The following MYO10 variants were observed in gnomAD, a reference collection of about 807,000 sequenced individuals.
MYO10 encodes the protein unconventional myosin-X.
MYO10 carries 133 observed loss-of-function variants against 257.3 expected under a neutral mutation model. The ratio of observed to expected loss-of-function variants is 0.52; its 90% CI spans 0.45 to 0.60. The LOEUF (loss-of-function observed/expected upper bound fraction) is 0.60. MYO10 is among the 20% of genes least tolerant of loss of function. MYO10 has a pLI of 0.00. For synonymous variants in MYO10, 1,104 were observed against 1,028.6 expected (o/e 1.07, Z -1.40); for missense variants, 2,399 against 2,635.7 (o/e 0.91, Z 1.97).
chr5:16,875,000 C>T (rs1383817047), intron 2 of MYO10, among the ~76,000 whole-genome samples: 1 of 152,122 alleles, frequency 6.6e-6, no homozygotes, highest in African/African-American at 2.4e-5. Context: ...AGCGGAAACC[C>T]CTGATAAACC....
chr5:16,710,654 C>T (rs2288442), intron 21 of MYO10: 166,823 of 516,786 alleles, frequency 0.32, 28,382 homozygotes, highest in East Asian at 0.48. Context: ...CAAATACCCA[C>T]ACACAAACAA....
At chr5:16,792,990 G>A (rs976662611) in intron 4 of MYO10, among the ~76,000 whole-genome samples, 1 of 152,132 alleles carries the variant, frequency 6.6e-6, no homozygotes, top group African/African-American at 2.4e-5. Flanking sequence ...CGAGAGCCAA[G>A]TTGCCACAAG....
Position 16,668,352 on chromosome 5 carries a change from G to C in MYO10, c.6000C>G (p.Leu2000=), listed in dbSNP as rs751353491. The C allele has an allele frequency of 3.3e-5, 53 of 1,613,864 alleles. No individual in the cohort carries two copies. The South Asian group carries it at 5.6e-4, about 17-fold the overall frequency. The change falls in exon 40 of 41, where the codon CTC becomes CTG. Residue 2000 remains leucine, a synonymous_variant. Coordinates refer to ENST00000513610, the MANE Select transcript of MYO10 (RefSeq NM_012334.3). ...TATTCGCCAGGGGTGCCCCAAAAGA[G>C]AGGATGTGTTCATACTGGAAGACTT... ...PLEVFQYEHI[L]SFGAPLANTY... is the part of the protein sequence containing the mutation.
At chr5:16,907,480 T>C (rs754497508) in intron 1 of MYO10, among the ~76,000 whole-genome samples, 12 of 152,028 alleles carry the variant, frequency 7.9e-5, no homozygotes, top group South Asian at 2.1e-4. Context: ...TCACGGGAGA[T>C]TGCATTTCCC....
rs548275758 is a variant in MYO10, at chr5:16,789,160, A to C, written c.467+5486T>G. ...ACCTGCTGCCTGTTTTTATAAATAA[A>C]GTTTTATTGGAACACAGTGCAGGCT... On this transcript the variant is annotated intron_variant, in intron 4 of 40. Transcript: ENST00000513610. 4.6e-5 allele frequency among the ~76,000 whole-genome samples: 7 copies of C among 152,332 alleles called. No homozygotes were observed. In the East Asian group the frequency reaches 1.4e-3, roughly 29 times the overall value.
intron 2 of MYO10, among the ~76,000 whole-genome samples, chr5:16,862,642 G>A (rs530658154): frequency 7.9e-5 from 12 of 152,190 alleles, no homozygotes; most frequent in Middle Eastern, 3.4e-3. Context: ...GATTCCGTCC[G>A]TTTTCTATTT....
At chr5:16,928,996 A>C (rs983309062) in intron 1 of MYO10, among the ~76,000 whole-genome samples, 8 of 149,986 alleles carry the variant, frequency 5.3e-5, no homozygotes, top group African/African-American at 1.7e-4. Context: ...TCTGTCGCCC[A>C]GGCTGGAGTG....
At chr5:16,893,645 A>AG (rs1368167771) in intron 1 of MYO10, among the ~76,000 whole-genome samples, 2 of 148,202 alleles carry the variant, frequency 1.3e-5, no homozygotes, top group African/African-American at 2.6e-5. Context: ...AAAAAAAAAA[A>AG]AAAAAAAGAA....
chr5:16,763,629 T>G (rs749047523), intron 13 of MYO10, 26 bp downstream of exon 13: 33 of 1,582,314 alleles, frequency 2.1e-5, no homozygotes, highest in Non-Finnish European at 2.9e-5. Context: ...AAAAAAAAAT[T>G]GAAATGGAAT....
intron 2 of MYO10, among the ~76,000 whole-genome samples, chr5:16,825,569 C>T (rs765296172): frequency 1.3e-5 from 2 of 152,176 alleles, no homozygotes; most frequent in Non-Finnish European, 2.9e-5. Flanking sequence ...GTTGACTTCA[C>T]GTTTCACTAC....
At chr5:16,830,679 G>GCGCACACACACACACACTCACA (rs1554000804) in intron 2 of MYO10, among the ~76,000 whole-genome samples, 1 of 148,920 alleles carries the variant, frequency 6.7e-6, no homozygotes, top group Admixed American at 6.7e-5. Flanking sequence ...TTTTTAATAG[G>GCGCACACACACACACACTCACA]CACACACACA....
At chr5:16,842,768 A>G (rs976989163) in intron 2 of MYO10, among the ~76,000 whole-genome samples, 13 of 152,002 alleles carry the variant, frequency 8.6e-5, no homozygotes, top group African/African-American at 3.1e-4. Context: ...TCTACAAAAA[A>G]TTAATAGTCC....
intron 3 of MYO10, among the ~76,000 whole-genome samples, chr5:16,807,852 T>C (rs558598326): frequency 1.3e-5 from 2 of 152,268 alleles, no homozygotes; most frequent in South Asian, 2.1e-4. Flanking sequence ...TGTGTTCCCA[T>C]GTATTTTTAT....
chr5:16,923,443 C>A (rs1036390612), intron 1 of MYO10, among the ~76,000 whole-genome samples: 3 of 151,844 alleles, frequency 2.0e-5, no homozygotes, highest in Admixed American at 2.0e-4. Flanking sequence ...CCCACCACCA[C>A]GCCCGGCTAA....
intron 1 of MYO10, among the ~76,000 whole-genome samples, chr5:16,922,825 G>A (rs578259555): frequency 6.6e-6 from 1 of 152,296 alleles, no homozygotes; most frequent in East Asian, 1.9e-4. Context: ...GGGCCCAGGA[G>A]TTCAAGACCA....
intron 17 of MYO10, among the ~76,000 whole-genome samples, chr5:16,759,480 T>G (rs183698260): frequency 6.6e-6 from 1 of 152,326 alleles, no homozygotes; most frequent in East Asian, 1.9e-4. Flanking sequence ...GGAGAGAAGC[T>G]TTGGTTCCAT....
At chr5:16,915,217 C>A (rs1325121804) in intron 1 of MYO10, among the ~76,000 whole-genome samples, 1 of 152,198 alleles carries the variant, frequency 6.6e-6, no homozygotes, top group African/African-American at 2.4e-5. Flanking sequence ...AGAGTACTTT[C>A]TGAAGTCAGA....
intron 19 of MYO10, among the ~76,000 whole-genome samples, chr5:16,745,522 T>A (rs1740167437): frequency 6.6e-6 from 1 of 151,666 alleles, no homozygotes. Flanking sequence ...CTCGTCTCTA[T>A]GAAAAATTAA....
At chr5:16,727,944 T>C (rs1412810452) in intron 19 of MYO10, among the ~76,000 whole-genome samples, 2 of 152,070 alleles carry the variant, frequency 1.3e-5, no homozygotes, top group Admixed American at 6.5e-5. Flanking sequence ...CTCCAGTGTT[T>C]AGTACAAGCC....
Sources: gnomAD v4.1 joint callset for allele counts (sites outside exome capture counted in the v4.1 genomes callset) on GRCh38, gnomAD v4.1.1 for gene constraint, MANE v1.5 for transcripts, NCBI Gene and HGNC (gene_info 2026-07-23, HGNC 2026-07-21) for gene names.